The following PLCXD3 variants were observed in gnomAD, a reference collection of about 807,000 sequenced individuals.
PLCXD3 encodes the protein phosphatidylinositol specific phospholipase C X domain containing 3, also known as PI-PLC X domain-containing protein 3.
A neutral mutation model predicts 25.5 loss-of-function variants in PLCXD3; 19 were observed. That is an observed-to-expected ratio of 0.75 (90% CI 0.52 to 1.09). The LOEUF is 1.09. PLCXD3 is among the 50% of genes least tolerant of loss of function. PLCXD3 has a pLI of 0.00. For missense variants in PLCXD3, 411 were observed against 388.1 expected (o/e 1.06, Z -0.50); for synonymous variants, 174 against 137.6 (o/e 1.26, Z -1.85).
At chr5:41,491,561 G>T (rs1182236337) in intron 1 of PLCXD3, among the ~76,000 whole-genome samples, 2 of 152,094 alleles carry the variant, frequency 1.3e-5, no homozygotes, top group Non-Finnish European at 2.9e-5. Context: ...ATTATTGTGT[G>T]GGAGTCTAAG....
intron 1 of PLCXD3, among the ~76,000 whole-genome samples, chr5:41,502,703 C>T (rs1748977804): frequency 6.6e-6 from 1 of 152,070 alleles, no homozygotes; most frequent in Admixed American, 6.6e-5. Context: ...AATTTCTCTC[C>T]AACAATGTTC....
intron 1 of PLCXD3, among the ~76,000 whole-genome samples, chr5:41,455,190 C>A (rs1209708051): frequency 6.6e-6 from 1 of 151,856 alleles, no homozygotes; most frequent in Non-Finnish European, 1.5e-5. Flanking sequence ...CCAATCCTGC[C>A]AGCAACTTGA....
At position 41,382,220 on chromosome 5, in the gene PLCXD3, C is replaced by G; in HGVS notation, c.418G>C (p.Val140Leu). Residue 140 changes from valine (V) to leucine (L), a missense_variant, in exon 2 of 3, where the codon GTG (valine) becomes CTG (leucine). Transcript: ENST00000377801. ...AFLTDHHKEV[V>L]FLDFNHFYGM... is the part of the protein sequence containing the mutation. ...TAAAAGTGGTTGAAGTCCAAGAACA[C>G]TACCTCCTTATGGTGATCTGTGAGG... 2 of 1,613,772 alleles carry G rather than the reference C, an allele frequency of 1.2e-6. No individual in the cohort carries two copies. Among genetic ancestry groups the G allele is most frequent in the Non-Finnish European group, 1.7e-6 (2 of 1,179,796 alleles).
At chr5:41,498,373 G>A (rs1748885338) in intron 1 of PLCXD3, among the ~76,000 whole-genome samples, 1 of 151,520 alleles carries the variant, frequency 6.6e-6, no homozygotes, top group Non-Finnish European at 1.5e-5. Context: ...AGGATTATAA[G>A]ATGCTACTAT....
chr5:41,406,803 G>T (rs1287365704), intron 1 of PLCXD3, among the ~76,000 whole-genome samples: 2 of 152,078 alleles, frequency 1.3e-5, no homozygotes, highest in African/African-American at 4.8e-5. Context: ...CCTCTAGAAT[G>T]GATTTAATCT....
chr5:41,493,770 G>A (rs6871147), intron 1 of PLCXD3, among the ~76,000 whole-genome samples: 17,142 of 152,206 alleles, frequency 0.11, 1,429 homozygotes, highest in African/African-American at 0.23. Context: ...CTGGTGCGCC[G>A]TTTTTTAAGC....
At chr5:41,330,677 A>G (rs960958992) in intron 2 of PLCXD3, among the ~76,000 whole-genome samples, 5 of 152,360 alleles carry the variant, frequency 3.3e-5, no homozygotes, top group African/African-American at 9.6e-5. Flanking sequence ...CTTGATGAAC[A>G]TTGATGCAAA....
intron 2 of PLCXD3, among the ~76,000 whole-genome samples, chr5:41,322,401 G>T (rs528538076): frequency 3.2e-4 from 49 of 152,240 alleles, no homozygotes; most frequent in African/African-American, 1.0e-3. Context: ...CCAGAAACAG[G>T]CAATAACAAA....
At chr5:41,483,833 C>G (rs954742116) in intron 1 of PLCXD3, among the ~76,000 whole-genome samples, 12 of 152,106 alleles carry the variant, frequency 7.9e-5, no homozygotes, top group Non-Finnish European at 1.0e-4. Flanking sequence ...CATTCTTTTT[C>G]TATTTAGATT....
At chr5:41,339,847 AATAG>A (rs1744088216) in intron 2 of PLCXD3, among the ~76,000 whole-genome samples, 1 of 152,194 alleles carries the variant, frequency 6.6e-6, no homozygotes, top group Non-Finnish European at 1.5e-5. Flanking sequence ...GCTTCCTCAT[AATAG>A]ATCATATCCA....
intron 2 of PLCXD3, among the ~76,000 whole-genome samples, chr5:41,341,620 T>C (rs1193451841): frequency 6.6e-6 from 1 of 152,228 alleles, no homozygotes; most frequent in Non-Finnish European, 1.5e-5. Context: ...AAGGTTTACC[T>C]GTTTGCAATA....
At chr5:41,365,417 A>G (rs904274463) in intron 2 of PLCXD3, among the ~76,000 whole-genome samples, 3 of 152,212 alleles carry the variant, frequency 2.0e-5, no homozygotes, top group African/African-American at 2.4e-5. Context: ...GCATATGTCA[A>G]CTACAGATAA....
intron 2 of PLCXD3, among the ~76,000 whole-genome samples, chr5:41,320,338 A>C (rs1303232455): frequency 6.6e-6 from 1 of 152,222 alleles, no homozygotes; most frequent in East Asian, 1.9e-4. Flanking sequence ...ACTATAAGCC[A>C]ATATTGCTGA....
chr5:41,316,165 G>C (rs1401770878), intron 2 of PLCXD3, among the ~76,000 whole-genome samples: 1 of 152,132 alleles, frequency 6.6e-6, no homozygotes, highest in East Asian at 1.9e-4. Flanking sequence ...TTGGATACCA[G>C]CTCAGCCACA....
intron 2 of PLCXD3, among the ~76,000 whole-genome samples, chr5:41,321,241 A>C (rs749447363): frequency 2.0e-5 from 3 of 152,252 alleles, no homozygotes; most frequent in Non-Finnish European, 4.4e-5. Flanking sequence ...AAATTCAATA[A>C]ATTTGCAGTA....
At chr5:41,332,643 A>G (rs989088161) in intron 2 of PLCXD3, among the ~76,000 whole-genome samples, 16 of 152,118 alleles carry the variant, frequency 1.1e-4, no homozygotes, top group Non-Finnish European at 2.4e-4. Flanking sequence ...ACACATGCAC[A>G]CATATGTTTA....
intron 2 of PLCXD3, among the ~76,000 whole-genome samples, chr5:41,317,194 TA>T (rs1305736373): frequency 1.3e-5 from 2 of 152,162 alleles, no homozygotes; most frequent in Non-Finnish European, 2.9e-5. Context: ...TGGAAGAAAG[TA>T]AGGAAAGAGA....
chr5:41,474,434 G>T (rs117365372), intron 1 of PLCXD3, among the ~76,000 whole-genome samples: 1 of 152,076 alleles, frequency 6.6e-6, no homozygotes, highest in Non-Finnish European at 1.5e-5. Flanking sequence ...GCTTCCAATG[G>T]TATACTGAAT....
chr5:41,313,919 G>A (rs371743988), intron 2 of PLCXD3, 149 bp from the exon 3 acceptor site: 2 of 898,298 alleles, frequency 2.2e-6, no homozygotes. Flanking sequence ...AATGGACTCT[G>A]GGGATTTTTT....
Sources: gnomAD v4.1 joint callset for allele counts (sites outside exome capture counted in the v4.1 genomes callset) on GRCh38, gnomAD v4.1.1 for gene constraint, MANE v1.5 for transcripts, NCBI Gene and HGNC (gene_info 2026-07-23, HGNC 2026-07-21) for gene names.